The following VPS35 variants were observed in gnomAD, a reference collection of about 807,000 sequenced individuals.
VPS35 encodes vacuolar protein sorting-associated protein 35.
A neutral mutation model predicts 98.1 loss-of-function variants in VPS35; 21 were observed. The observed-to-expected ratio is 0.21, with a 90% confidence interval of 0.15 to 0.31. The LOEUF (loss-of-function observed/expected upper bound fraction) is 0.31. Ranked by LOEUF, VPS35 falls within the 10% of genes least tolerant of loss-of-function variation. VPS35 has a pLI of 1.00. For missense variants in VPS35, 554 were observed against 950.8 expected (o/e 0.58, Z 5.49); for synonymous variants, 268 against 318.2 (o/e 0.84, Z 1.68).
At chr16:46,663,861 AATTTTTTTT>A (rs1965949245) in intron 13 of VPS35, among the ~76,000 whole-genome samples, 1 of 19,448 alleles carries the variant, frequency 5.1e-5, no homozygotes, top group African/African-American at 1.2e-4. Flanking sequence ...ACACCTGGCT[AATTTTTTTT>A]TTTTTTTTTT....
At chr16:46,679,384 C>G (rs569583071) in intron 5 of VPS35, among the ~76,000 whole-genome samples, 1 of 152,308 alleles carries the variant, frequency 6.6e-6, no homozygotes, top group African/African-American at 2.4e-5. Context: ...TTCCCCAACT[C>G]CTCATCCTGG....
In VPS35 at chr16:46,688,946, G is replaced by A. The variant is rs1475036391; in HGVS notation, c.3+185C>T. On this transcript the variant is annotated intron_variant, in intron 1 of 16. Transcript: ENST00000299138. ...GCAGCCAAGAGCCGCCGCCCACCCC[G>A]GCCCGGATCAGCCTGCCCGCGGCCT... 5 of 1,487,786 alleles carry A rather than the reference G, an allele frequency of 3.4e-6. No homozygotes were observed. In the South Asian group the frequency reaches 5.2e-5, roughly 15 times the overall value. 92.2% of individuals were successfully genotyped at this position (1,487,786 alleles called of 1,614,324 possible). A position where few individuals can be genotyped will look rare whatever the true frequency, so the allele number is the denominator to read the frequency against.
rs911441769 is a variant in VPS35 at position 46,683,583 on chromosome 16, C to T, written c.27G>A (p.Gln9=). ...CATCCAAGAGCTTTTCCTGCTCATC[C>T]TGAGGGGACTGCTGTGTTGTAGGCT... MPTTQQSP[Q]DEQEKLLDEA... is the part of the protein sequence containing the mutation. Residue 9 remains glutamine, a synonymous_variant, in exon 2 of 17, where the codon CAG becomes CAA. Transcript: ENST00000299138. The T allele has an allele frequency of 4.3e-6, 7 of 1,613,464 alleles. No individual in the cohort carries two copies. The highest frequency in any genetic ancestry group is 5.9e-6 in the Non-Finnish European group (7 of 1,179,820).
chr16:46,670,083 A>T (rs1966045872), intron 12 of VPS35, among the ~76,000 whole-genome samples: 1 of 152,224 alleles, frequency 6.6e-6, no homozygotes, highest in Non-Finnish European at 1.5e-5. Flanking sequence ...CACAACATAT[A>T]GCCAATTCAG....
chr16:46,685,776 T>C (rs1160210790), intron 1 of VPS35, among the ~76,000 whole-genome samples: 1 of 152,196 alleles, frequency 6.6e-6, no homozygotes, highest in Non-Finnish European at 1.5e-5. Context: ...TTAATAATAA[T>C]TTGAATCAAT....
intron 13 of VPS35, among the ~76,000 whole-genome samples, chr16:46,665,404 C>A (rs571773690): frequency 6.6e-6 from 1 of 152,084 alleles, no homozygotes; most frequent in African/African-American, 2.4e-5. Context: ...TCAGACCAGC[C>A]TAGGCAACAT....
chr16:46,688,900 C>T, intron 1 of VPS35: 6 of 1,453,026 alleles, frequency 4.1e-6, no homozygotes, highest in Non-Finnish European at 4.5e-6. Flanking sequence ...AGAGAGGCCG[C>T]CCCGTCTCTC....
At position 46,659,959 on chromosome 16, in the gene VPS35, T is replaced by C. The variant is rs985863143; in HGVS notation, c.*513A>G. On this transcript the variant is annotated 3_prime_UTR_variant, in exon 17 of 17. Coordinates refer to ENST00000299138, the MANE Select transcript of VPS35 (RefSeq NM_018206.6). ...TAATATATTCTAGTTTTAGGGAAAATCTTACACATGGCCTTATCTTGCAAT... is the reference window on the plus strand; with the variant it reads ...TAATATATTCTAGTTTTAGGGAAAACCTTACACATGGCCTTATCTTGCAAT... 6.5e-6 allele frequency: 1 copy of C among 152,776 alleles called. No homozygotes were observed. The highest frequency in any genetic ancestry group is 2.4e-5 in the African/African-American group (1 of 41,432). 9.5% of individuals were successfully genotyped at this position (152,776 alleles called of 1,614,324 possible). A position where few individuals can be genotyped will look rare whatever the true frequency, so the allele number is the denominator to read the frequency against.
chr16:46,675,495 T>A (rs1401402575), intron 8 of VPS35, among the ~76,000 whole-genome samples: 6 of 152,208 alleles, frequency 3.9e-5, no homozygotes, highest in African/African-American at 1.4e-4. Flanking sequence ...CAGAGATGTG[T>A]AAGTGACATT....
chr16:46,679,947 GA>G (rs899769811), intron 5 of VPS35, among the ~76,000 whole-genome samples: 1 of 150,412 alleles, frequency 6.6e-6, no homozygotes, highest in African/African-American at 2.4e-5. Context: ...ATATTAAAAA[GA>G]AAAAAACAAA....
Position 46,659,666 on chromosome 16 carries a change from A to G in VPS35, c.*806T>C, listed in dbSNP as rs1321610176. On this transcript the variant is annotated 3_prime_UTR_variant, in exon 17 of 17. Transcript: ENST00000299138. ...TAAAGATAGTATGAAAGGGGAAAAA[A>G]AGCTCCAAAATTGTTAATAGCATCT... is the stretch of plus-strand genomic sequence containing the variant. 1 of 152,154 alleles carries G rather than the reference A, an allele frequency of 6.6e-6. No individual in the cohort carries two copies. Among genetic ancestry groups the G allele is most frequent in the Non-Finnish European group, 1.5e-5 (1 of 68,044 alleles). 9.4% of individuals were successfully genotyped at this position (152,154 alleles called of 1,614,324 possible). A position where few individuals can be genotyped will look rare whatever the true frequency, so the allele number is the denominator to read the frequency against.
chr16:46,683,269 A>G (rs1966260430), intron 2 of VPS35: 1 of 564,670 alleles, frequency 1.8e-6, no homozygotes, highest in South Asian at 2.0e-5. Flanking sequence ...TCTTATTCTT[A>G]TGAGCTTGTA....
chr16:46,676,611 T>C lies in VPS35; in HGVS notation c.886A>G (p.Lys296Glu). The C allele has an allele frequency of 2.5e-5, 41 of 1,611,664 alleles. No individual in the cohort carries two copies. Among genetic ancestry groups the C allele is most frequent in the Non-Finnish European group, 3.4e-5 (40 of 1,178,936 alleles). Residue 296 changes from lysine to glutamate, a missense_variant, in exon 8 of 17, where the codon AAG (lysine) becomes GAG (glutamate). Transcript: ENST00000299138. The part of the protein sequence containing the change: ...CAELHQNVNV[K>E]NIIIALIDRL... ...TCAATTAAAGCAATGATTATGTTCT[T>C]CACATTTACATTCTGGTGTAACTCA...
In VPS35 at chr16:46,660,189, G is replaced by GTTTTTTTTTTTTTTTTTTTTTTTTTTTTT. The variant is rs369756092; in HGVS notation, c.*282_*283insAAAAAAAAAAAAAAAAAAAAAAAAAAAAA. 2 of 98,118 alleles carry GTTTTTTTTTTTTTTTTTTTTTTTTTTTTT rather than the reference G, an allele frequency of 2.0e-5. 1 individual carries two copies. The highest frequency in any genetic ancestry group is 3.9e-5 in the Non-Finnish European group (2 of 51,910). The allele number at this position is 98,118 out of a possible 1,614,324, so 6.1% of individuals were successfully genotyped here. On this transcript the variant is annotated 3_prime_UTR_variant, in exon 17 of 17. Transcript: ENST00000299138. ...GCCAAGATAAGTGCTTGTGGGTTTT[G>GTTTTTTTTTTTTTTTTTTTTTTTTTTTTT]TGTTTTTTTTTTTTTTTTTTTTTAC...
intron 2 of VPS35, chr16:46,682,440 T>C (rs1966249158): frequency 5.0e-6 from 2 of 396,244 alleles, no homozygotes; most frequent in East Asian, 1.0e-4. Flanking sequence ...TTTCAATCTA[T>C]AGAGACTAGG....
intron 6 of VPS35, among the ~76,000 whole-genome samples, chr16:46,677,973 G>A (rs763417915): frequency 6.6e-6 from 1 of 152,100 alleles, no homozygotes; most frequent in African/African-American, 2.4e-5. Flanking sequence ...CAAGGTTCAG[G>A]GTTTTTTGTT....
intron 6 of VPS35, chr16:46,677,834 T>A (rs1449899941): frequency 1.1e-5 from 2 of 187,408 alleles, no homozygotes; most frequent in Non-Finnish European, 2.2e-5. Flanking sequence ...TGCTTGTATA[T>A]CCTCAGAAAT....
At chr16:46,671,400 T>A (rs1472616860) in intron 12 of VPS35, among the ~76,000 whole-genome samples, 2 of 152,152 alleles carry the variant, frequency 1.3e-5, no homozygotes, top group Non-Finnish European at 2.9e-5. Context: ...GCAACTGAAT[T>A]GTTACTCACA....
intron 1 of VPS35, 73 bp downstream of exon 1, chr16:46,689,058 G>C (rs753702271): frequency 6.3e-7 from 1 of 1,579,826 alleles, no homozygotes; most frequent in African/African-American, 1.3e-5. Flanking sequence ...ACTCGCTGGA[G>C]TGCGGGGCGG....
Sources: allele counts gnomAD v4.1 joint callset (sites outside exome capture counted in the v4.1 genomes callset), GRCh38; gene constraint gnomAD v4.1.1; transcripts MANE v1.5; gene names NCBI Gene and HGNC (gene_info 2026-07-23, HGNC 2026-07-21).